Variants in FZD4 observed in about 807,000 individuals in gnomAD.
FZD4 encodes the protein frizzled-4.
In FZD4, 16 loss-of-function variants were observed where a neutral mutation model predicts 37.3. The observed-to-expected ratio is 0.43, with a 90% CI of 0.29 to 0.65. The LOEUF (loss-of-function observed/expected upper bound fraction) is 0.65. Ranked by LOEUF, FZD4 falls within the 30% of genes least tolerant of loss-of-function variation. FZD4 has a pLI of 0.16. For synonymous variants in FZD4, 246 were observed against 254.8 expected (o/e 0.97, Z 0.33); for missense variants, 599 against 674.3 (o/e 0.89, Z 1.24).
chr11:86,954,909 G>T lies in FZD4; in HGVS notation c.177C>A (p.Asn59Lys), dbSNP rs774200714. 130 of 1,613,566 alleles carry T rather than the reference G, an allele frequency of 8.1e-5. No individual in the cohort carries two copies. Among genetic ancestry groups the T allele is most frequent in the Non-Finnish European group, 1.0e-4 (119 of 1,179,886 alleles). The change falls in exon 1 of 2, where the codon AAC (asparagine) becomes AAA (lysine). Residue 59 changes from asparagine (N) to lysine (K), a missense_variant. By Grantham distance (94) the Asn-to-Lys change is moderately conservative. Around this residue, in one of 3 missense-constraint regions of FZD4, gnomAD observed 357 missense variants for 396.1 expected, o/e 0.90. Transcript: ENST00000531380. ...CAACCAGGTTGGGCATCTTGGTCAC[G>T]TTGTAGCCGAGGTTCTGGCACATGG... ...RISMCQNLGY[N>K]VTKMPNLVGH...
chr11:86,953,240 G>A (rs189335053), intron 1 of FZD4, among the ~76,000 whole-genome samples: 54 of 152,318 alleles, frequency 3.5e-4, no homozygotes, highest in Admixed American at 3.1e-3. Context: ...AGAGTTACAA[G>A]TAACTATTTT....
rs1369439718 is a variant in FZD4, at chr11:86,948,022, T to G, written c.*3120A>C. On this transcript the variant is annotated 3_prime_UTR_variant, in exon 2 of 2. Transcript: ENST00000531380. Reference sequence around the variant, plus strand: ...GAATTGCCGGCAAAGCCAAAGCAGATGTGTGGGCCCATGTCCTTGTGGCCT... The same window carrying G: ...GAATTGCCGGCAAAGCCAAAGCAGAGGTGTGGGCCCATGTCCTTGTGGCCT... The G allele has an allele frequency of 1.3e-5, 2 of 152,212 alleles. No homozygotes were observed. The highest frequency in any genetic ancestry group is 2.9e-5 in the Non-Finnish European group (2 of 68,056). 9.4% of individuals were successfully genotyped at this position (152,212 alleles called of 1,614,324 possible).
At chr11:86,952,577 T>A in intron 1 of FZD4, 107 bp from the exon 2 acceptor site, 1 of 1,285,782 alleles carries the variant, frequency 7.8e-7, no homozygotes, top group Non-Finnish European at 1.1e-6. Context: ...TCTAGGTATC[T>A]ACTTTTAAAC....
At chr11:86,953,143 C>G (rs1446608943) in intron 1 of FZD4, among the ~76,000 whole-genome samples, 1 of 152,172 alleles carries the variant, frequency 6.6e-6, no homozygotes, top group African/African-American at 2.4e-5. Context: ...GCAGTACCAG[C>G]AGGGGAGAGT....
chr11:86,952,123 G>A lies in FZD4; in HGVS notation c.633C>T (p.Tyr211=). 6.2e-7 allele frequency: 1 copy of A among 1,613,756 alleles called. No homozygotes were observed. Among genetic ancestry groups the A allele is most frequent in the South Asian group, 1.1e-5 (1 of 91,054 alleles). ...VLKCGYDAGL[Y]SRSAKEFTDI... Reference sequence around the variant, plus strand: ...CAGTGAACTCCTTGGCTGAGCGGCTGTATAAGCCAGCATCATAGCCACACT... The same window carrying A: ...CAGTGAACTCCTTGGCTGAGCGGCTATATAAGCCAGCATCATAGCCACACT... Residue 211 remains tyrosine, a synonymous_variant, in exon 2 of 2, where the codon TAC becomes TAT. Transcript: ENST00000531380.
At position 86,945,904 on chromosome 11, in the gene FZD4, A is replaced by C. The variant is rs1326225133; in HGVS notation, c.*5238T>G. On this transcript the variant is annotated 3_prime_UTR_variant, in exon 2 of 2. Transcript: ENST00000531380. The stretch of plus-strand genomic sequence containing the variant: ...TGTCAAACATCTGAAAGTCCCCCAG[A>C]TTGGCTTCAAGGTTCCTGGAGCTGT... 6.6e-6 allele frequency: 1 copy of C among 152,570 alleles called. No individual in the cohort carries two copies. The highest frequency in any genetic ancestry group is 1.9e-4 in the East Asian group (1 of 5,192). The allele number at this position is 152,570 out of a possible 1,614,324, so 9.5% of individuals were successfully genotyped here.
At position 86,949,302 on chromosome 11, in the gene FZD4, G is replaced by C. The variant is rs1394535777; in HGVS notation, c.*1840C>G. ...GGGAAATGTCAAACTATGGGCATAA[G>C]GCTCAAACCAAATTTTTAAAAAAGA... On this transcript the variant is annotated 3_prime_UTR_variant, in exon 2 of 2. Coordinates refer to ENST00000531380, the MANE Select transcript of FZD4 (RefSeq NM_012193.4). The C allele has an allele frequency of 6.6e-6, 1 of 151,758 alleles. No individual in the cohort carries two copies. Among genetic ancestry groups the C allele is most frequent in the Non-Finnish European group, 1.5e-5 (1 of 67,994 alleles). 9.4% of individuals were successfully genotyped at this position (151,758 alleles called of 1,614,324 possible).
rs1949281135 is a variant in FZD4, at chr11:86,950,563, A to C, written c.*579T>G. 1 of 164,208 alleles carries C rather than the reference A, an allele frequency of 6.1e-6. No homozygotes were observed. Among genetic ancestry groups the C allele is most frequent in the African/African-American group, 2.4e-5 (1 of 41,546 alleles). 10.2% of individuals were successfully genotyped at this position (164,208 alleles called of 1,614,324 possible). A position where few individuals can be genotyped will look rare whatever the true frequency, so the allele number is the denominator to read the frequency against. On this transcript the variant is annotated 3_prime_UTR_variant, in exon 2 of 2. Coordinates refer to ENST00000531380, the MANE Select transcript of FZD4 (RefSeq NM_012193.4). ...ATGACAAAGGCACTGAAAGATTCTAACACCACTTCTTGGGAGTGCAGTCCA... is the reference window on the plus strand; with the variant it reads ...ATGACAAAGGCACTGAAAGATTCTACCACCACTTCTTGGGAGTGCAGTCCA...
In FZD4 at chr11:86,946,278, C is replaced by A. The variant is rs1949241612; in HGVS notation, c.*4864G>T. 6.6e-6 allele frequency: 1 copy of A among 152,194 alleles called. No individual in the cohort carries two copies. Among genetic ancestry groups the A allele is most frequent in the African/African-American group, 2.4e-5 (1 of 41,442 alleles). 9.4% of individuals were successfully genotyped at this position (152,194 alleles called of 1,614,324 possible). A position where few individuals can be genotyped will look rare whatever the true frequency, so the allele number is the denominator to read the frequency against. The stretch of plus-strand genomic sequence containing the variant: ...ACCCAACCTTTGTGGCGCAGAGTGG[C>A]TCTTGCCCCTCTTTTCAGAAGCCTT... On this transcript the variant is annotated 3_prime_UTR_variant, in exon 2 of 2. Coordinates refer to ENST00000531380, the MANE Select transcript of FZD4 (RefSeq NM_012193.4).
Position 86,952,597 on chromosome 11 carries a change from G to A in FZD4, c.286-127C>T, listed in dbSNP as rs1171811791. 4.7e-5 allele frequency: 46 copies of A among 985,390 alleles called. 1 individual carries two copies. The highest frequency in any genetic ancestry group is 1.3e-4 in the African/African-American group (8 of 63,094). The allele number at this position is 985,390 out of a possible 1,614,324, so 61.0% of individuals were successfully genotyped here. ...GTATCTACTTTTAAACCAACCTATC[G>A]GGAGTCTGTCTGTTTACTCTGACCT... On this transcript the variant is annotated intron_variant, in intron 1 of 1. Transcript: ENST00000531380.
At chr11:86,954,308 A>C in intron 1 of FZD4, 1 of 985,114 alleles carries the variant, frequency 1.0e-6, no homozygotes, top group Non-Finnish European at 1.2e-6. Flanking sequence ...TTCATGCATG[A>C]CCTCTAAAAC....
rs1590945576 is a variant in FZD4, at chr11:86,955,129, G to A, written c.-44C>T. On this transcript the variant is annotated 5_prime_UTR_variant, in exon 1 of 2. Transcript: ENST00000531380. ...CAGCGGCAGCGGCTGGGGCTGCTCT[G>A]GCAGACACCCCCAGTTTGCACGGGG... 3.6e-6 allele frequency: 5 copies of A among 1,401,160 alleles called. No individual in the cohort carries two copies. 86.8% of individuals were successfully genotyped at this position (1,401,160 alleles called of 1,614,324 possible).
Position 86,948,904 on chromosome 11 carries a change from C to G in FZD4, c.*2238G>C, listed in dbSNP as rs1949266550. The G allele has an allele frequency of 1.3e-5, 2 of 152,750 alleles. No homozygotes were observed. The highest frequency in any genetic ancestry group is 4.8e-5 in the African/African-American group (2 of 41,466). The allele number at this position is 152,750 out of a possible 1,614,324, so 9.5% of individuals were successfully genotyped here. ...CCCTGCCTGGGCCAGAGTCCCTGCA[C>G]AACTCCCAAGACACCAGAGCAGAGC... On this transcript the variant is annotated 3_prime_UTR_variant, in exon 2 of 2. Coordinates refer to ENST00000531380, the MANE Select transcript of FZD4 (RefSeq NM_012193.4).
rs959286106 is a variant in FZD4 at position 86,946,201 on chromosome 11, C to T, written c.*4941G>A. 6.6e-6 allele frequency: 1 copy of T among 152,136 alleles called. No individual in the cohort carries two copies. Among genetic ancestry groups the T allele is most frequent in the African/African-American group, 2.4e-5 (1 of 41,370 alleles). The allele number at this position is 152,136 out of a possible 1,614,324, so 9.4% of individuals were successfully genotyped here. A position where few individuals can be genotyped will look rare whatever the true frequency, so the allele number is the denominator to read the frequency against. On this transcript the variant is annotated 3_prime_UTR_variant, in exon 2 of 2. Coordinates refer to ENST00000531380, the MANE Select transcript of FZD4 (RefSeq NM_012193.4). ...CCAAAGCCCACAGCCAAGTCAGGGC[C>T]CCAGCCTATTAGTACAATTTGAAAA...
rs746622437 is a variant in FZD4, at chr11:86,951,592, G to A, written c.1164C>T (p.Thr388=). The A allele has an allele frequency of 1.5e-5, 24 of 1,613,886 alleles. No homozygotes were observed. Among genetic ancestry groups the A allele is most frequent in the Non-Finnish European group, 1.9e-5 (22 of 1,179,904 alleles). The change falls in exon 2 of 2, where the codon ACC becomes ACT. Residue 388 remains threonine (T), a synonymous_variant. Transcript: ENST00000531380. ...TAAAGAGGGGAGCCACCACGAACCC[G>A]GTGAGGGCATCGAGATTTTGGTTTC... ...YVGNQNLDAL[T]GFVVAPLFTY...
In FZD4 at chr11:86,950,760, A is replaced by G; in HGVS notation, c.*382T>C. On this transcript the variant is annotated 3_prime_UTR_variant, in exon 2 of 2. Transcript: ENST00000531380. The stretch of plus-strand genomic sequence containing the variant: ...AAATGGTAAAGGGTTAAAAAAGTTA[A>G]TATTTCTCCCTGCTAGTTACCAACT... The G allele has an allele frequency of 3.4e-6, 1 of 290,208 alleles. No homozygotes were observed. The highest frequency in any genetic ancestry group is 4.5e-5 in the South Asian group (1 of 22,440). The allele number at this position is 290,208 out of a possible 1,614,324, so 18.0% of individuals were successfully genotyped here. A position where few individuals can be genotyped will look rare whatever the true frequency, so the allele number is the denominator to read the frequency against.
At position 86,951,838 on chromosome 11, in the gene FZD4, G is replaced by T; in HGVS notation, c.918C>A (p.Phe306Leu). The T allele has an allele frequency of 2.5e-6, 4 of 1,613,734 alleles. No individual in the cohort carries two copies. Among genetic ancestry groups the T allele is most frequent in the Non-Finnish European group, 3.4e-6 (4 of 1,180,014 alleles). The change falls in exon 2 of 2, where the codon TTC becomes TTA. Residue 306 changes from phenylalanine (F) to leucine (L), a missense_variant. This residue lies in a region of FZD4 where 357 missense variants were observed against 396.1 expected (regional missense o/e 0.90). Coordinates refer to ENST00000531380, the MANE Select transcript of FZD4 (RefSeq NM_012193.4). ...GLKNTGCAII[F>L]LLMYFFGMAS... The stretch of plus-strand genomic sequence containing the variant: ...CCATTCCAAAAAAGTACATCAGCAA[G>T]AAAATTATTGCACATCCTGTGTTCT...
In FZD4 at chr11:86,951,442, C is replaced by A. The variant is rs1168277108; in HGVS notation, c.1314G>T (p.Gly438=). 1.9e-6 allele frequency: 3 copies of A among 1,613,382 alleles called. No individual in the cohort carries two copies. In the African/African-American group the frequency reaches 4.0e-5, roughly 22 times the overall value. ...DKLERLMVKI[G]VFSVLYTVPA... ...GAACTGTGTACAGTACTGAGAACAC[C>A]CCAATCTTGACCATCAGTCTTTCTA... Residue 438 remains glycine (G), a synonymous_variant, in exon 2 of 2, where the codon GGG becomes GGT. Transcript: ENST00000531380.
intron 1 of FZD4, among the ~76,000 whole-genome samples, chr11:86,953,367 T>C (rs1024648750): frequency 6.6e-6 from 1 of 152,222 alleles, no homozygotes; most frequent in African/African-American, 2.4e-5. Flanking sequence ...AAATTGCCAC[T>C]GATGTCAGGA....
Sources: allele counts gnomAD v4.1 joint callset (sites outside exome capture counted in the v4.1 genomes callset), GRCh38; gene constraint gnomAD v4.1.1; regional missense constraint gnomAD v4.1.1; transcripts MANE v1.5; gene names NCBI Gene and HGNC (gene_info 2026-07-23, HGNC 2026-07-21).